The following ITSN1 variants were observed in gnomAD, a reference collection of about 807,000 sequenced individuals.
The protein encoded by ITSN1 is intersectin 1, also known as intersectin-1.
Under a neutral mutation model 239.8 loss-of-function variants are expected in ITSN1, and 58 were observed. The ratio of observed to expected loss-of-function variants is 0.24; its 90% CI spans 0.20 to 0.30. ITSN1 has a LOEUF of 0.30. ITSN1 is among the 10% of genes least tolerant of loss of function. The pLI is 1.00. For missense variants in ITSN1, 1,558 were observed against 2,103.3 expected (o/e 0.74, Z 5.07); for synonymous variants, 780 against 770.8 (o/e 1.01, Z -0.20).
chr21:33,663,615 T>G (rs1411968122), intron 1 of ITSN1, among the ~76,000 whole-genome samples: 1 of 152,262 alleles, frequency 6.6e-6, no homozygotes. Context: ...ATTCTTTTTT[T>G]TTTTGAGATG....
intron 8 of ITSN1, among the ~76,000 whole-genome samples, chr21:33,758,869 C>T (rs939963968): frequency 5.3e-5 from 8 of 152,152 alleles, no homozygotes; most frequent in Non-Finnish European, 8.8e-5. Flanking sequence ...ACTCCAAAAC[C>T]GATATCCCTT....
intron 1 of ITSN1, among the ~76,000 whole-genome samples, chr21:33,682,471 T>TC (rs2091019876): frequency 1.3e-5 from 2 of 151,978 alleles, no homozygotes; most frequent in African/African-American, 4.8e-5. Context: ...CGCCTCGGCC[T>TC]CCCAAAGTGC....
chr21:33,890,033 A>G lies in ITSN1; in HGVS notation c.*1733A>G, dbSNP rs1986254099. ...TATACCCTGTAGTTAGAAACTTTCA[A>G]CTGAACATGTTAGAGACCAAGTTTA... On this transcript the variant is annotated 3_prime_UTR_variant, in exon 40 of 40. Coordinates refer to ENST00000381318, the MANE Select transcript of ITSN1 (RefSeq NM_003024.3). 3 of 152,258 alleles carry G rather than the reference A, an allele frequency of 2.0e-5. No homozygotes were observed. The highest frequency in any genetic ancestry group is 7.2e-5 in the African/African-American group (3 of 41,472). The allele number at this position is 152,258 out of a possible 1,614,324, so 9.4% of individuals were successfully genotyped here.
chr21:33,882,202 A>G lies in ITSN1; in HGVS notation c.4342-41A>G. 6.3e-7 allele frequency: 1 copy of G among 1,581,846 alleles called. No individual in the cohort carries two copies. Among genetic ancestry groups the G allele is most frequent in the South Asian group, 1.1e-5 (1 of 88,746 alleles). ...GAGCCCATGCTTTCAGATGCGGAGAAACAAAAATGCTACACTTTGGGTTTT... is the reference window on the plus strand; with the variant it reads ...GAGCCCATGCTTTCAGATGCGGAGAGACAAAAATGCTACACTTTGGGTTTT... On this transcript the variant is annotated intron_variant, in intron 34 of 39. Coordinates refer to ENST00000381318, the MANE Select transcript of ITSN1 (RefSeq NM_003024.3). This position sits in a 1 kb window ranked among gnomAD's most constrained non-coding sequence, Gnocchi z 4.5.
chr21:33,853,611 G>T (rs1009822352), intron 29 of ITSN1, among the ~76,000 whole-genome samples: 1 of 152,170 alleles, frequency 6.6e-6, no homozygotes, highest in African/African-American at 2.4e-5. Context: ...CGTGTCTGCT[G>T]GTCCCTCGCA....
intron 21 of ITSN1, among the ~76,000 whole-genome samples, chr21:33,811,995 G>A (rs952547377): frequency 6.6e-6 from 1 of 152,158 alleles, no homozygotes; most frequent in Admixed American, 6.5e-5. Flanking sequence ...GCTGGAGAAG[G>A]ATCAGATGGA....
chr21:33,765,847 G>A (rs370368854), intron 9 of ITSN1, 28 bp from the exon 10 acceptor site: 103 of 1,611,854 alleles, frequency 6.4e-5, no homozygotes, highest in Non-Finnish European at 7.7e-5. Flanking sequence ...TCATGAAACC[G>A]GATTACAGTT....
At chr21:33,703,725 A>G (rs544828535) in intron 1 of ITSN1, among the ~76,000 whole-genome samples, 2 of 152,080 alleles carry the variant, frequency 1.3e-5, no homozygotes, top group African/African-American at 2.4e-5. Context: ...TTTTTCACCT[A>G]TCTTTTCAGT....
At chr21:33,794,866 G>A (rs941831275) in intron 17 of ITSN1, among the ~76,000 whole-genome samples, 1 of 152,196 alleles carries the variant, frequency 6.6e-6, no homozygotes, top group Admixed American at 6.5e-5. Context: ...GGGTCAGGGT[G>A]GGCCTCTTCT....
chr21:33,676,450 A>G (rs764229760), intron 1 of ITSN1, among the ~76,000 whole-genome samples: 1 of 151,840 alleles, frequency 6.6e-6, no homozygotes, highest in Admixed American at 6.6e-5. Context: ...CTGGTCTTCA[A>G]CTCCTGGGCT....
Position 33,784,310 on chromosome 21 carries a change from A to AACACACACACACACACACACACAC in ITSN1, c.1824+2198_1824+2221dup, listed in dbSNP as rs58496273. 1.2e-3 allele frequency among the ~76,000 whole-genome samples: 155 copies of AACACACACACACACACACACACAC among 134,196 alleles called. 1 individual carries two copies. The highest frequency in any genetic ancestry group is 3.6e-3 in the Admixed American group (46 of 12,812). The allele number at this position is 134,196 out of a possible 152,430, so 88.0% of individuals were successfully genotyped here. The stretch of plus-strand genomic sequence containing the variant: ...AAAGGGTGAAGCCCTGTCTCTACAA[A>AACACACACACACACACACACACAC]ACACACACACACACACACACACACA... On this transcript the variant is annotated intron_variant, in intron 16 of 39. Coordinates refer to ENST00000381318, the MANE Select transcript of ITSN1 (RefSeq NM_003024.3).
At position 33,752,340 on chromosome 21, in the gene ITSN1, G is replaced by A. The variant is rs189888781; in HGVS notation, c.623+434G>A. 3.4e-4 allele frequency among the ~76,000 whole-genome samples: 51 copies of A among 148,512 alleles called. No individual in the cohort carries two copies. In the East Asian group the frequency reaches 9.6e-3, roughly 28 times the overall value. On this transcript the variant is annotated intron_variant, in intron 7 of 39. Coordinates refer to ENST00000381318, the MANE Select transcript of ITSN1 (RefSeq NM_003024.3). ...TTTTAATTCTATCTCAGATAATCTT[G>A]TGGAGTTTATATGGGTAATTAGTAA...
rs765293456 is a variant in ITSN1 at position 33,811,155 on chromosome 21, G to A, written c.2500G>A (p.Ala834Thr). 8.3e-6 allele frequency: 13 copies of A among 1,573,150 alleles called. No homozygotes were observed. The African/African-American group carries it at 1.1e-4, about 14-fold the overall frequency. ...CAAACTGGCCTTGCGTGAGACCCCC[G>A]CCCCTTTGGCAGTAACCTCTTCAGA... ...APKLALRETP[A>T]PLAVTSSEPS... Residue 834 changes from alanine (A) to threonine (T), a missense_variant, in exon 21 of 40, where the codon GCC (alanine) becomes ACC (threonine). Ala to Thr is a moderately conservative substitution (Grantham distance 58). Transcript: ENST00000381318.
intron 12 of ITSN1, 129 bp from the exon 13 acceptor site, chr21:33,774,600 A>G: frequency 1.2e-6 from 1 of 821,262 alleles, no homozygotes; most frequent in Non-Finnish European, 1.9e-6. Flanking sequence ...TTGTTTTCTA[A>G]TGTGATTTCT....
chr21:33,653,213 T>G (rs1294721607), intron 1 of ITSN1, among the ~76,000 whole-genome samples: 1 of 152,128 alleles, frequency 6.6e-6, no homozygotes, highest in Admixed American at 6.5e-5. Flanking sequence ...CAGGCTGATC[T>G]CGAACTCCTC....
chr21:33,802,593 T>TTA, intron 20 of ITSN1, 149 bp downstream of exon 20: 1 of 620,392 alleles, frequency 1.6e-6, no homozygotes, highest in East Asian at 2.8e-5. Context: ...TTGTGCTTTT[T>TTA]AAAAAAAAAG....
chr21:33,887,379 A>G (rs1985963052), intron 39 of ITSN1, among the ~76,000 whole-genome samples: 1 of 152,070 alleles, frequency 6.6e-6, no homozygotes, highest in South Asian at 2.1e-4. Context: ...ATTATAACCG[A>G]AGAAGTGAGG....
rs1430510898 is a variant in ITSN1 at position 33,797,311 on chromosome 21, G to A, written c.1953-68G>A. The stretch of plus-strand genomic sequence containing the variant: ...ATTTACTGGATGGAGCTTTTTTTGT[G>A]AAAAGAGGCAACAGTAGTGTTAACT... On this transcript the variant is annotated intron_variant, in intron 17 of 39. Transcript: ENST00000381318. The surrounding 1 kb of genome is among the most constrained non-coding windows in gnomAD (Gnocchi z 4.9). 4 of 1,380,174 alleles carry A rather than the reference G, an allele frequency of 2.9e-6. No individual in the cohort carries two copies. The East Asian group carries it at 9.2e-5, about 32-fold the overall frequency. 85.5% of individuals were successfully genotyped at this position (1,380,174 alleles called of 1,614,324 possible). A position where few individuals can be genotyped will look rare whatever the true frequency, so the allele number is the denominator to read the frequency against.
At chr21:33,727,365 G>A (rs1268400420) in intron 4 of ITSN1, among the ~76,000 whole-genome samples, 3 of 151,932 alleles carry the variant, frequency 2.0e-5, no homozygotes, top group South Asian at 2.1e-4. Context: ...AATCTGAGAC[G>A]GAGGGCCAGC....
Sources: allele counts gnomAD v4.1 joint callset (sites outside exome capture counted in the v4.1 genomes callset), GRCh38; gene constraint gnomAD v4.1.1; non-coding constraint Gnocchi (gnomAD v3.1); transcripts MANE v1.5; gene names NCBI Gene and HGNC (gene_info 2026-07-23, HGNC 2026-07-21).